The following NFIX variants were observed in gnomAD, a reference collection of about 807,000 sequenced individuals.
NFIX encodes the protein nuclear factor 1 X-type.
Under a neutral mutation model 53.3 loss-of-function variants are expected in NFIX, and 2 were observed. The observed-to-expected ratio is 0.04, with a 90% confidence interval of 0.02 to 0.12. NFIX has a LOEUF of 0.12. Ranked by LOEUF, NFIX falls within the 10% of genes least tolerant of loss-of-function variation. The pLI, the probability that NFIX is intolerant of heterozygous loss-of-function variation, is 1.00. For synonymous variants in NFIX, 244 were observed against 289.0 expected (o/e 0.84, Z 1.58); for missense variants, 310 against 674.5 (o/e 0.46, Z 5.99).
rs190672537 is a variant in NFIX at position 13,034,919 on chromosome 19, C to G, written c.559+9367C>G. Among the ~76,000 whole-genome samples, 330 of 152,336 alleles carry G rather than the reference C, an allele frequency of 2.2e-3. 1 individual carries two copies. The highest frequency in any genetic ancestry group is 2.7e-3 in the Non-Finnish European group (185 of 68,040). ...GCTCCCCTTGAGCAGCATTTCCCAACTGCGGAACTGTTGACATTCGAGTGA... is the reference window on the plus strand; with the variant it reads ...GCTCCCCTTGAGCAGCATTTCCCAAGTGCGGAACTGTTGACATTCGAGTGA... On this transcript the variant is annotated intron_variant, in intron 2 of 10. Coordinates refer to ENST00000592199, the MANE Select transcript of NFIX (RefSeq NM_001365902.3).
intron 8 of NFIX, among the ~76,000 whole-genome samples, chr19:13,087,668 G>A (rs893003945): frequency 5.4e-5 from 8 of 148,730 alleles, no homozygotes; most frequent in Admixed American, 4.1e-4. Context: ...ACAGCTGCAC[G>A]TATTTGCTAG....
chr19:13,058,028 G>C (rs2145354652), intron 2 of NFIX, among the ~76,000 whole-genome samples: 1 of 152,222 alleles, frequency 6.6e-6, no homozygotes, highest in Non-Finnish European at 1.5e-5. Flanking sequence ...AGGGGAGAAA[G>C]ACAGCTGGAA....
rs1229505831 is a variant in NFIX at position 13,089,024 on chromosome 19, T to C, written c.1402+888T>C. Among the ~76,000 whole-genome samples the C allele has an allele frequency of 6.6e-6, 1 of 151,812 alleles. No homozygotes were observed. Among genetic ancestry groups the C allele is most frequent in the Non-Finnish European group, 1.5e-5 (1 of 67,928 alleles). On this transcript the variant is annotated intron_variant, in intron 9 of 10. Coordinates refer to ENST00000592199, the MANE Select transcript of NFIX (RefSeq NM_001365902.3). This position sits in a 1 kb window ranked among gnomAD's most constrained non-coding sequence, Gnocchi z 4.8. ...TGGGCAGGCCACAGGCCAGGGCAGT[T>C]CGGTGGCGGTGGGAGGGGTGGCCCA...
chr19:13,010,277 C>A (rs1333642696), intron 1 of NFIX, among the ~76,000 whole-genome samples: 1 of 152,210 alleles, frequency 6.6e-6, no homozygotes, highest in Non-Finnish European at 1.5e-5. Flanking sequence ...CCCTCGCGCA[C>A]GTGGTTACTC....
chr19:13,027,898 C>T lies in NFIX; in HGVS notation c.559+2346C>T, dbSNP rs2013495145. 1.3e-5 allele frequency among the ~76,000 whole-genome samples: 2 copies of T among 152,210 alleles called. No homozygotes were observed. The highest frequency in any genetic ancestry group is 2.1e-4 in the South Asian group (1 of 4,834). On this transcript the variant is annotated intron_variant, in intron 2 of 10. Transcript: ENST00000592199. The surrounding 1 kb of genome is among the most constrained non-coding windows in gnomAD (Gnocchi z 4.3). ...AAGGGTGTATTTTATATCATTCAGG[C>T]CCCAGACTCCAGATAATTTCAGTGA...
At chr19:13,024,459 C>G in intron 1 of NFIX, 1 of 1,462,518 alleles carries the variant, frequency 6.8e-7, no homozygotes, top group Non-Finnish European at 9.0e-7. Flanking sequence ...TGATCTGTTT[C>G]CTCACTCGCT....
intron 2 of NFIX, among the ~76,000 whole-genome samples, chr19:13,046,726 G>A (rs17639568): frequency 0.21 from 32,151 of 152,108 alleles, 4,229 homozygotes; most frequent in Middle Eastern, 0.36. Flanking sequence ...GTATGCCAGC[G>A]TCTTTTTGTG....
Position 13,082,939 on chromosome 19 carries a change from A to G in NFIX, c.1254+1084A>G, listed in dbSNP as rs74986991. Among the ~76,000 whole-genome samples, 410 of 152,264 alleles carry G rather than the reference A, an allele frequency of 2.7e-3. 6 individuals carry two copies. The highest frequency in any genetic ancestry group is 9.6e-3 in the African/African-American group (399 of 41,556). On this transcript the variant is annotated intron_variant, in intron 8 of 10. Transcript: ENST00000592199. ...CTTGGTGTGCTCTGGCAGAGCGAGCATTTGCTAAGTGCTGGTGTATTGATT... is the reference window on the plus strand; with the variant it reads ...CTTGGTGTGCTCTGGCAGAGCGAGCGTTTGCTAAGTGCTGGTGTATTGATT...
At chr19:13,008,984 C>T (rs959575700) in intron 1 of NFIX, among the ~76,000 whole-genome samples, 3 of 152,212 alleles carry the variant, frequency 2.0e-5, no homozygotes, top group South Asian at 2.1e-4. Flanking sequence ...AGGTCCTCAC[C>T]GAGGTAGATT....
chr19:13,098,669 T>TCCGCCCCGCC lies in NFIX; in HGVS notation c.*4033_*4042dup, dbSNP rs938256843. ...AGGCAGCCAGCCCGTCTGTTCCCTC[T>TCCGCCCCGCC]CCGCCCCGCCCCGCCCCGCCCCCGT... On this transcript the variant is annotated 3_prime_UTR_variant, in exon 11 of 11. Coordinates refer to ENST00000592199, the MANE Select transcript of NFIX (RefSeq NM_001365902.3). 2.6e-5 allele frequency: 4 copies of TCCGCCCCGCC among 151,806 alleles called. No homozygotes were observed. The highest frequency in any genetic ancestry group is 6.5e-5 in the Admixed American group (1 of 15,280). The allele number at this position is 151,806 out of a possible 1,614,324, so 9.4% of individuals were successfully genotyped here.
chr19:13,076,591 G>A (rs1485947062), intron 6 of NFIX, among the ~76,000 whole-genome samples: 2 of 152,176 alleles, frequency 1.3e-5, no homozygotes, highest in Admixed American at 6.5e-5. Context: ...GCAGACTCAC[G>A]CGTGTGGGTT....
rs1031542434 is a variant in NFIX, at chr19:13,011,018, G to A, written c.28-14003G>A. On this transcript the variant is annotated intron_variant, in intron 1 of 10. Transcript: ENST00000592199. The surrounding 1 kb of genome is among the most constrained non-coding windows in gnomAD (Gnocchi z 6.5). ...TATATACTTTTTATATGTAAGAACC[G>A]CTCCCCCCTCTTCCCGCTCCACGTT... Among the ~76,000 whole-genome samples, 1 of 152,158 alleles carries A rather than the reference G, an allele frequency of 6.6e-6. No homozygotes were observed. The highest frequency in any genetic ancestry group is 6.5e-5 in the Admixed American group (1 of 15,280).
chr19:13,031,591 C>T (rs914105046), intron 2 of NFIX, among the ~76,000 whole-genome samples: 2 of 152,136 alleles, frequency 1.3e-5, no homozygotes, highest in South Asian at 2.1e-4. Context: ...GAGAATCTTG[C>T]GTGTACCTGG....
chr19:13,023,742 C>T (rs1236519675), intron 1 of NFIX, among the ~76,000 whole-genome samples: 1 of 148,830 alleles, frequency 6.7e-6, no homozygotes, highest in African/African-American at 2.5e-5. Context: ...CTCCCTCTCT[C>T]TGCTTGCTAT....
At position 13,062,687 on chromosome 19, in the gene NFIX, G is replaced by C. The variant is rs780612403; in HGVS notation, c.560-10360G>C. 2.2e-4 allele frequency among the ~76,000 whole-genome samples: 33 copies of C among 152,198 alleles called. 1 individual carries two copies. The highest frequency in any genetic ancestry group is 4.4e-5 in the Non-Finnish European group (3 of 68,030). On this transcript the variant is annotated intron_variant, in intron 2 of 10. Coordinates refer to ENST00000592199, the MANE Select transcript of NFIX (RefSeq NM_001365902.3). ...TGGAGGAAAGGCTGTTTAGTTTCCA[G>C]CCTCCAGGTGGGAGAAGGGCCCCAC...
chr19:13,012,494 G>A lies in NFIX; in HGVS notation c.28-12527G>A, dbSNP rs183516172. Among the ~76,000 whole-genome samples, 1 of 152,192 alleles carries A rather than the reference G, an allele frequency of 6.6e-6. No individual in the cohort carries two copies. The highest frequency in any genetic ancestry group is 1.9e-4 in the East Asian group (1 of 5,166). ...TGACCCCGCGCTGGTGGGCATGGAG[G>A]ACTGTCCCAGTTCACCATTTGCTGC... On this transcript the variant is annotated intron_variant, in intron 1 of 10. Coordinates refer to ENST00000592199, the MANE Select transcript of NFIX (RefSeq NM_001365902.3). This position sits in a 1 kb window ranked among gnomAD's most constrained non-coding sequence, Gnocchi z 5.0.
chr19:13,058,178 A>G (rs1329914368), intron 2 of NFIX, among the ~76,000 whole-genome samples: 2 of 151,956 alleles, frequency 1.3e-5, no homozygotes, highest in African/African-American at 4.8e-5. Context: ...GTTGGATGGC[A>G]AGAGGGGTTT....
rs985849172 is a variant in NFIX at position 13,088,368 on chromosome 19, T to C, written c.1402+232T>C. ...GCCCGCTGCTCCCAGCCGGGGCCCC[T>C]GGCCCAGGCCCCTCTGGGGGGCGGG... On this transcript the variant is annotated intron_variant, in intron 9 of 10. Coordinates refer to ENST00000592199, the MANE Select transcript of NFIX (RefSeq NM_001365902.3). This position sits in a 1 kb window ranked among gnomAD's most constrained non-coding sequence, Gnocchi z 5.9. Among the ~76,000 whole-genome samples, 1 of 151,524 alleles carries C rather than the reference T, an allele frequency of 6.6e-6. No homozygotes were observed. The highest frequency in any genetic ancestry group is 2.4e-5 in the African/African-American group (1 of 41,260).
At chr19:12,999,093 C>T (rs2011577971) in intron 1 of NFIX, among the ~76,000 whole-genome samples, 1 of 152,046 alleles carries the variant, frequency 6.6e-6, no homozygotes, top group Admixed American at 6.5e-5. Context: ...GACGGACAGG[C>T]GGATGGATGG....
Sources: allele counts gnomAD v4.1 joint callset (sites outside exome capture counted in the v4.1 genomes callset), GRCh38; gene constraint gnomAD v4.1.1; non-coding constraint Gnocchi (gnomAD v3.1); transcripts MANE v1.5; gene names NCBI Gene and HGNC (gene_info 2026-07-23, HGNC 2026-07-21).